Variants in DGKI observed in about 807,000 individuals in gnomAD.
DGKI encodes the protein diacylglycerol kinase iota, also known as DAG kinase iota.
Under a neutral mutation model 147.5 loss-of-function variants are expected in DGKI, and 55 were observed. The ratio of observed to expected loss-of-function variants is 0.37; its 90% CI spans 0.30 to 0.47. The LOEUF (loss-of-function observed/expected upper bound fraction) is 0.47. DGKI is among the 20% of genes least tolerant of loss of function. The probability of loss-of-function intolerance (pLI) is 1.00; values close to 1 mark genes in which losing one functional copy is unlikely to be tolerated. For synonymous variants in DGKI, 469 were observed against 477.1 expected (o/e 0.98, Z 0.22); for missense variants, 1,007 against 1,323.8 (o/e 0.76, Z 3.71).
chr7:137,391,684 A>T lies in DGKI; in HGVS notation c.3058-348T>A, dbSNP rs1182182326. Among the ~76,000 whole-genome samples, 4 of 152,198 alleles carry T rather than the reference A, an allele frequency of 2.6e-5. No individual in the cohort carries two copies. In the East Asian group the frequency reaches 7.7e-4, roughly 29 times the overall value. ...GGGTAAAGCGAGTTTTGAAACCCAG[A>T]GCCTTTCTGGAAGATGGGGAGGTAG... On this transcript the variant is annotated intron_variant, in intron 32 of 32. Coordinates refer to ENST00000614521, the MANE Select transcript of DGKI (RefSeq NM_001321708.2).
chr7:137,501,176 A>T lies in DGKI; in HGVS notation c.2249-13487T>A, dbSNP rs189754340. On this transcript the variant is annotated intron_variant, in intron 21 of 32. Coordinates refer to ENST00000614521, the MANE Select transcript of DGKI (RefSeq NM_001321708.2). Reference sequence around the variant, plus strand: ...AACATCCTGTCCTCCAGTTCCATCCATGTTGCTGCAAACGACAGAATTTTA... The same window carrying T: ...AACATCCTGTCCTCCAGTTCCATCCTTGTTGCTGCAAACGACAGAATTTTA... 2.0e-5 allele frequency among the ~76,000 whole-genome samples: 3 copies of T among 152,262 alleles called. No individual in the cohort carries two copies. The East Asian group carries it at 5.8e-4, about 29-fold the overall frequency.
At chr7:137,746,624 C>T (rs150258409) in intron 1 of DGKI, among the ~76,000 whole-genome samples, 2 of 152,226 alleles carry the variant, frequency 1.3e-5, no homozygotes, top group Non-Finnish European at 2.9e-5. Flanking sequence ...GGTCTAGGTG[C>T]TCAAGCATGC....
At chr7:137,482,639 C>A (rs1815412087) in intron 23 of DGKI, among the ~76,000 whole-genome samples, 1 of 152,028 alleles carries the variant, frequency 6.6e-6, no homozygotes, top group Non-Finnish European at 1.5e-5. Flanking sequence ...CTTTGATGAT[C>A]TTGGCCAAAC....
chr7:137,775,899 C>G (rs545141190), intron 1 of DGKI, among the ~76,000 whole-genome samples: 1 of 151,944 alleles, frequency 6.6e-6, no homozygotes, highest in African/African-American at 2.4e-5. Context: ...GCCCTTTTTG[C>G]CCAGGCTGGA....
chr7:137,759,513 TG>T (rs1299947451), intron 1 of DGKI, among the ~76,000 whole-genome samples: 2 of 151,986 alleles, frequency 1.3e-5, no homozygotes, highest in Non-Finnish European at 2.9e-5. Flanking sequence ...GGCTAATTTT[TG>T]TATTTTTAGT....
At chr7:137,479,820 A>G (rs1815308485) in intron 23 of DGKI, among the ~76,000 whole-genome samples, 1 of 152,082 alleles carries the variant, frequency 6.6e-6, no homozygotes, top group Admixed American at 6.6e-5. Context: ...CTGCCCCAAC[A>G]TCTCCCACAT....
chr7:137,459,444 AT>A (rs1164319856), intron 27 of DGKI, among the ~76,000 whole-genome samples: 1 of 120,026 alleles, frequency 8.3e-6, no homozygotes, highest in Non-Finnish European at 1.9e-5. Context: ...ATTTTGTTTT[AT>A]TTATCTTTTC....
chr7:137,466,679 C>T (rs935332093), intron 25 of DGKI, among the ~76,000 whole-genome samples: 8 of 152,114 alleles, frequency 5.3e-5, no homozygotes, highest in Non-Finnish European at 8.8e-5. Flanking sequence ...TACAAGTCAA[C>T]TTATTTTCTG....
chr7:137,628,825 GA>G (rs1229864474), intron 6 of DGKI, among the ~76,000 whole-genome samples: 2 of 152,134 alleles, frequency 1.3e-5, no homozygotes, highest in East Asian at 3.9e-4. Context: ...GTTGCCTTCT[GA>G]CTTCTTCTGT....
At chr7:137,807,503 A>C (rs911421756) in intron 1 of DGKI, among the ~76,000 whole-genome samples, 3 of 152,198 alleles carry the variant, frequency 2.0e-5, no homozygotes, top group Non-Finnish European at 4.4e-5. Flanking sequence ...AGCTCACAGG[A>C]GAGCGCTAAA....
intron 12 of DGKI, 77 bp from the exon 13 acceptor site, chr7:137,587,287 G>C: frequency 2.9e-6 from 3 of 1,035,664 alleles, no homozygotes; most frequent in Admixed American, 3.0e-5. Flanking sequence ...AGAAACAGAG[G>C]CTTCCAAGAG....
chr7:137,794,616 T>C (rs1796968088), intron 1 of DGKI, among the ~76,000 whole-genome samples: 1 of 152,220 alleles, frequency 6.6e-6, no homozygotes, highest in Admixed American at 6.5e-5. Context: ...TCTCAGGTGA[T>C]GCTGATGCTG....
intron 20 of DGKI, among the ~76,000 whole-genome samples, chr7:137,529,322 T>A (rs1172099556): frequency 1.3e-5 from 2 of 152,028 alleles, no homozygotes; most frequent in African/African-American, 4.8e-5. Flanking sequence ...TCCACAGACT[T>A]ACAAAACTTT....
intron 21 of DGKI, among the ~76,000 whole-genome samples, chr7:137,488,815 A>G (rs1815660832): frequency 6.6e-6 from 1 of 152,174 alleles, no homozygotes; most frequent in Non-Finnish European, 1.5e-5. Flanking sequence ...CGTAGTAGAG[A>G]AGGCATATAT....
Position 137,846,444 on chromosome 7 carries a change from C to T in DGKI, c.401+18G>A. On this transcript the variant is annotated intron_variant, in intron 1 of 32. Transcript: ENST00000614521. The surrounding 1 kb of genome is among the most constrained non-coding windows in gnomAD (Gnocchi z 4.0). ...CGCCGCGGCGCACCTGTCTCGGCTG[C>T]CGGCTCCCCGCACCTACCTGTACGA... 1.3e-6 allele frequency: 2 copies of T among 1,565,182 alleles called. No individual in the cohort carries two copies. The highest frequency in any genetic ancestry group is 8.7e-7 in the Non-Finnish European group (1 of 1,152,138).
chr7:137,785,391 T>C (rs1005464303), intron 1 of DGKI, among the ~76,000 whole-genome samples: 1 of 151,882 alleles, frequency 6.6e-6, no homozygotes, highest in Non-Finnish European at 1.5e-5. Flanking sequence ...GATAAATTCC[T>C]GAAAATATAC....
chr7:137,620,432 T>A (rs1820706793), intron 7 of DGKI, among the ~76,000 whole-genome samples: 1 of 152,214 alleles, frequency 6.6e-6, no homozygotes. Flanking sequence ...GCCTACCACC[T>A]GCCTTTCCTT....
chr7:137,528,445 C>T (rs777003092), intron 20 of DGKI, among the ~76,000 whole-genome samples: 9 of 152,176 alleles, frequency 5.9e-5, no homozygotes, highest in Non-Finnish European at 1.3e-4. Flanking sequence ...ACCAAAATCA[C>T]ATTAGCAGCA....
At chr7:137,711,973 G>A (rs1221053357) in intron 1 of DGKI, among the ~76,000 whole-genome samples, 3 of 152,028 alleles carry the variant, frequency 2.0e-5, no homozygotes, top group South Asian at 2.1e-4. Flanking sequence ...GATTACAGGC[G>A]TGAGCCACCA....
Sources: allele counts gnomAD v4.1 joint callset (sites outside exome capture counted in the v4.1 genomes callset), GRCh38; gene constraint gnomAD v4.1.1; non-coding constraint Gnocchi (gnomAD v3.1); transcripts MANE v1.5; gene names NCBI Gene and HGNC (gene_info 2026-07-23, HGNC 2026-07-21).